The following TMEM164 variants were observed in gnomAD, a reference collection of about 807,000 sequenced individuals.
The protein encoded by TMEM164 is transmembrane protein 164, also known as RP13-360B22.2.
A neutral mutation model predicts 18.8 loss-of-function variants in TMEM164; 4 were observed. The observed-to-expected ratio is 0.21, with a 90% CI of 0.10 to 0.49. The LOEUF (loss-of-function observed/expected upper bound fraction) is 0.49, where lower values mean the gene tolerates loss of function less well. TMEM164 is among the 20% of genes least tolerant of loss of function. The probability of loss-of-function intolerance (pLI) is 0.98; values close to 1 mark genes in which losing one functional copy is unlikely to be tolerated. For missense variants in TMEM164, 108 were observed against 239.9 expected (o/e 0.45, Z 3.63); for synonymous variants, 86 against 101.7 (o/e 0.85, Z 0.93).
chrX:110,151,422 TATATCA>T (rs1451986441), intron 5 of TMEM164, among the ~76,000 whole-genome samples: 1 of 111,109 alleles, frequency 9.0e-6, no homozygotes, highest in African/African-American at 3.3e-5. Context: ...AAAAAAAAGG[TATATCA>T]GTTCGATTTT....
At chrX:110,006,539 G>A (rs1445679524) in intron 2 of TMEM164, among the ~76,000 whole-genome samples, 1 of 110,289 alleles carries the variant, frequency 9.1e-6, no homozygotes, top group Non-Finnish European at 1.9e-5. Flanking sequence ...CCCTCCATAT[G>A]GCTTTTCCTG....
downstream of TMEM164, among the ~76,000 whole-genome samples, chrX:110,181,680 G>A (rs994477545): frequency 7.1e-5 from 8 of 112,819 alleles, no homozygotes; most frequent in African/African-American, 1.3e-4. Context: ...TTCAGGTCCC[G>A]AGTGCCCTTG....
At chrX:110,079,596 A>G (rs1286031677) in intron 3 of TMEM164, among the ~76,000 whole-genome samples, 1 of 111,654 alleles carries the variant, frequency 9.0e-6, no homozygotes, top group Non-Finnish European at 1.9e-5. Flanking sequence ...TCTGGGTGCA[A>G]TTTTGAAACC....
intron 3 of TMEM164, among the ~76,000 whole-genome samples, chrX:110,096,511 T>C (rs2066021238): frequency 8.9e-6 from 1 of 112,726 alleles, no homozygotes; most frequent in South Asian, 3.6e-4. Flanking sequence ...AATCTCCTGG[T>C]GCGCCGTTTG....
intron 2 of TMEM164, among the ~76,000 whole-genome samples, chrX:110,060,079 A>G (rs1238486169): frequency 9.1e-6 from 1 of 110,242 alleles, no homozygotes. Context: ...TCTGGGTAAC[A>G]AAATGAGACC....
rs1483918841 is a variant in TMEM164, at chrX:110,174,578, C to T, written c.*1127C>T. On this transcript the variant is annotated 3_prime_UTR_variant, in exon 7 of 7. Transcript: ENST00000372068. ...TTCTTCAGTGTATCCACACTCAGTG[C>T]TGAATTGTTTAATGTGGGGGACATC... The T allele has an allele frequency of 9.0e-6, 1 of 110,546 alleles. No individual in the cohort carries two copies. Among genetic ancestry groups the T allele is most frequent in the African/African-American group, 3.3e-5 (1 of 30,235 alleles). 9.1% of individuals were successfully genotyped at this position (110,546 alleles called of 1,213,427 possible). A position where few individuals can be genotyped will look rare whatever the true frequency, so the allele number is the denominator to read the frequency against.
intron 3 of TMEM164, among the ~76,000 whole-genome samples, chrX:110,094,367 C>G (rs1028722961): frequency 1.8e-5 from 2 of 111,841 alleles, no homozygotes. Flanking sequence ...TCTGGGTGCT[C>G]CTGTAGTGGG....
chrX:110,028,926 AT>A (rs1446234732), intron 2 of TMEM164, among the ~76,000 whole-genome samples: 1 of 111,478 alleles, frequency 9.0e-6, no homozygotes, highest in Non-Finnish European at 1.9e-5. Context: ...TACTTTATAT[AT>A]TTTTGAGGTT....
At chrX:110,075,130 T>A (rs2065651937) in intron 3 of TMEM164, among the ~76,000 whole-genome samples, 1 of 112,007 alleles carries the variant, frequency 8.9e-6, no homozygotes, top group Admixed American at 9.5e-5. Flanking sequence ...AGCTATGATT[T>A]CTTTTAGCAG....
At chrX:110,034,896 A>G (rs1448589636) in intron 2 of TMEM164, among the ~76,000 whole-genome samples, 2 of 105,341 alleles carry the variant, frequency 1.9e-5, no homozygotes, top group Admixed American at 1.0e-4. Flanking sequence ...AGCCATAAAA[A>G]ATGATGAGTT....
intron 4 of TMEM164, among the ~76,000 whole-genome samples, chrX:110,136,476 G>A (rs2066693147): frequency 8.9e-6 from 1 of 111,972 alleles, no homozygotes; most frequent in African/African-American, 3.3e-5. Context: ...AAAGGAGATG[G>A]ATTATCTTTT....
chrX:110,061,578 T>G (rs756164002), intron 2 of TMEM164, among the ~76,000 whole-genome samples: 1 of 112,273 alleles, frequency 8.9e-6, no homozygotes, highest in South Asian at 3.7e-4. Flanking sequence ...TATACCTCAG[T>G]GGTTGGTCAA....
chrX:110,031,064 A>G (rs1934481009), intron 2 of TMEM164, among the ~76,000 whole-genome samples: 1 of 110,672 alleles, frequency 9.0e-6, no homozygotes, highest in Non-Finnish European at 1.9e-5. Context: ...TTCCCCTGCA[A>G]CTGCCGACAG....
At chrX:110,091,595 A>AT (rs1462229917) in intron 3 of TMEM164, among the ~76,000 whole-genome samples, 1 of 112,255 alleles carries the variant, frequency 8.9e-6, no homozygotes, top group Non-Finnish European at 1.9e-5. Flanking sequence ...TTCTTTGTAG[A>AT]TTCTGCATAT....
chrX:110,144,791 C>G lies in TMEM164; in HGVS notation c.508-7C>G. On this transcript the variant is annotated splice_polypyrimidine_tract_variant and splice_region_variant and intron_variant, in intron 4 of 6. Coordinates refer to ENST00000372068, the MANE Select transcript of TMEM164 (RefSeq NM_032227.4). ...CTAAAACACTTCTCTCCCTCCTATC[C>G]TCACAGCTCCCCTTTGAATTGGAGA... is the stretch of plus-strand genomic sequence containing the variant. 8.3e-7 allele frequency: 1 copy of G among 1,201,655 alleles called. No homozygotes were observed. The highest frequency in any genetic ancestry group is 1.1e-6 in the Non-Finnish European group (1 of 887,597).
intron 4 of TMEM164, among the ~76,000 whole-genome samples, chrX:110,134,854 C>T (rs756463608): frequency 9.0e-6 from 1 of 110,867 alleles, no homozygotes; most frequent in East Asian, 2.8e-4. Context: ...AACAAATTAA[C>T]ACTAATCATC....
intron 3 of TMEM164, among the ~76,000 whole-genome samples, chrX:110,102,019 C>A (rs1298110864): frequency 2.8e-5 from 3 of 108,170 alleles, no homozygotes; most frequent in African/African-American, 1.0e-4. Flanking sequence ...TGAGACCATT[C>A]TTTTTGCCTA....
chrX:110,095,906 G>C (rs1226135553), intron 3 of TMEM164, among the ~76,000 whole-genome samples: 1 of 112,474 alleles, frequency 8.9e-6, no homozygotes, highest in Non-Finnish European at 1.9e-5. Flanking sequence ...CCTTCTAACA[G>C]TCAGGACCCT....
chrX:110,178,868 T>A (rs1237096854), downstream of TMEM164, among the ~76,000 whole-genome samples: 4 of 111,876 alleles, frequency 3.6e-5, no homozygotes, highest in African/African-American at 1.3e-4. Flanking sequence ...GGAGCTGGAA[T>A]TGGAAACTAG....
Sources: gnomAD v4.1 joint callset for allele counts (sites outside exome capture counted in the v4.1 genomes callset) on GRCh38, gnomAD v4.1.1 for gene constraint, MANE v1.5 for transcripts, NCBI Gene and HGNC (gene_info 2026-07-23, HGNC 2026-07-21) for gene names.